The following TMEM163 variants were observed in gnomAD, a reference collection of about 807,000 sequenced individuals.
TMEM163 encodes the protein transmembrane protein 163.
In TMEM163, 17 loss-of-function variants were observed where a neutral mutation model predicts 29.3. The ratio of observed to expected loss-of-function variants is 0.58; its 90% CI spans 0.40 to 0.87. The LOEUF (loss-of-function observed/expected upper bound fraction) is 0.87. TMEM163 is among the 40% of genes least tolerant of loss of function. The pLI, the probability that TMEM163 is intolerant of heterozygous loss-of-function variation, is 0.00. For missense variants in TMEM163, 303 were observed against 381.5 expected (o/e 0.79, Z 1.71); for synonymous variants, 157 against 160.6 (o/e 0.98, Z 0.17).
intron 4 of TMEM163, among the ~76,000 whole-genome samples, chr2:134,515,894 T>C (rs1680047162): frequency 6.6e-6 from 1 of 152,216 alleles, no homozygotes. Flanking sequence ...CTTCTCCAGC[T>C]ACATCACTTC....
intron 4 of TMEM163, among the ~76,000 whole-genome samples, chr2:134,546,433 G>A (rs1680786792): frequency 6.6e-6 from 1 of 152,206 alleles, no homozygotes. Context: ...CCTGAGGCCA[G>A]GAGTTCAAGA....
chr2:134,683,717 TG>T (rs1236727280), intron 2 of TMEM163, among the ~76,000 whole-genome samples: 1 of 152,132 alleles, frequency 6.6e-6, no homozygotes, highest in East Asian at 1.9e-4. Flanking sequence ...TAGTAGACGC[TG>T]GGAGGGAAGG....
At chr2:134,456,816 G>A (rs1686408213) in intron 7 of TMEM163, 40 bp from the exon 8 acceptor site, 3 of 1,605,208 alleles carry the variant, frequency 1.9e-6, no homozygotes, top group Non-Finnish European at 2.6e-6. Flanking sequence ...TCCATGGCAT[G>A]GGGCTGAAGA....
intron 1 of TMEM163, among the ~76,000 whole-genome samples, chr2:134,716,073 T>C (rs1685032014): frequency 6.6e-6 from 1 of 152,182 alleles, no homozygotes; most frequent in South Asian, 2.1e-4. Context: ...AAGCTTGAAC[T>C]CTGTGAAGAA....
intron 2 of TMEM163, among the ~76,000 whole-genome samples, chr2:134,647,426 C>A (rs913935188): frequency 6.6e-6 from 1 of 152,208 alleles, no homozygotes; most frequent in Non-Finnish European, 1.5e-5. Context: ...GTGCTACCAA[C>A]CTCCGAAATC....
Position 134,706,012 on chromosome 2 carries a change from G to A in TMEM163, c.322+7188C>T, listed in dbSNP as rs541864284. On this transcript the variant is annotated intron_variant, in intron 2 of 7. Transcript: ENST00000281924. ...ACCCTGGCCACGCTTCCAATTAAAC[G>A]CTGTGTGAAGAAGGCACTGAGAAGG... Among the ~76,000 whole-genome samples the A allele has an allele frequency of 5.3e-5, 8 of 152,278 alleles. No homozygotes were observed. The East Asian group carries it at 1.6e-3, about 30-fold the overall frequency.
intron 2 of TMEM163, among the ~76,000 whole-genome samples, chr2:134,589,221 CA>C (rs1306427449): frequency 1.3e-5 from 2 of 152,154 alleles, no homozygotes; most frequent in East Asian, 3.9e-4. Context: ...AGAAAGAGGT[CA>C]AAATTCAAAG....
intron 5 of TMEM163, among the ~76,000 whole-genome samples, chr2:134,476,801 T>C (rs1686927030): frequency 1.3e-5 from 2 of 152,170 alleles, no homozygotes; most frequent in African/African-American, 4.8e-5. Flanking sequence ...CTATTAAGCT[T>C]TTCCTGACAG....
rs1379184679 is a variant in TMEM163 at position 134,500,075 on chromosome 2, C to T, written c.555+2826G>A. ...GAAGACATGATGATGATGAGTCTTC[C>T]GTACAGCCCACATTCCAGCATGATA... On this transcript the variant is annotated intron_variant, in intron 5 of 7. Transcript: ENST00000281924. Among the ~76,000 whole-genome samples, 11 of 152,282 alleles carry T rather than the reference C, an allele frequency of 7.2e-5. 1 individual carries two copies. The highest frequency in any genetic ancestry group is 1.9e-4 in the African/African-American group (8 of 41,566).
chr2:134,556,843 A>T (rs1681059385), intron 2 of TMEM163, among the ~76,000 whole-genome samples: 1 of 152,202 alleles, frequency 6.6e-6, no homozygotes, highest in Non-Finnish European at 1.5e-5. Flanking sequence ...AGAAAAATTA[A>T]TACTGTTTAA....
At chr2:134,509,445 C>T (rs944709966) in intron 4 of TMEM163, among the ~76,000 whole-genome samples, 3 of 152,222 alleles carry the variant, frequency 2.0e-5, no homozygotes, top group African/African-American at 7.2e-5. Flanking sequence ...TTGGTACCTG[C>T]ACCAATCAAT....
intron 2 of TMEM163, among the ~76,000 whole-genome samples, chr2:134,656,515 G>A (rs1040063875): frequency 1.3e-5 from 2 of 152,306 alleles, no homozygotes; most frequent in South Asian, 2.1e-4. Flanking sequence ...CTTCTGCGTC[G>A]CTCACGCTGG....
chr2:134,460,113 C>T lies in TMEM163; in HGVS notation c.668-1940G>A, dbSNP rs1183343688. Among the ~76,000 whole-genome samples, 2 of 148,128 alleles carry T rather than the reference C, an allele frequency of 1.4e-5. No individual in the cohort carries two copies. The highest frequency in any genetic ancestry group is 4.5e-4 in the East Asian group (2 of 4,448). On this transcript the variant is annotated intron_variant, in intron 6 of 7. Transcript: ENST00000281924. The surrounding 1 kb of genome is among the most constrained non-coding windows in gnomAD (Gnocchi z 4.3). ...TTCATTCTCACTCTCCCCGCTGATC[C>T]CTGCTCTGTCCTGGCCACCTGTGGC...
chr2:134,507,794 C>G (rs1188007444), intron 4 of TMEM163, among the ~76,000 whole-genome samples: 11 of 152,064 alleles, frequency 7.2e-5, no homozygotes, highest in Admixed American at 7.2e-4. Flanking sequence ...GAGGTTATGG[C>G]TATAGTGAGC....
intron 2 of TMEM163, among the ~76,000 whole-genome samples, chr2:134,639,851 T>C (rs559613530): frequency 5.9e-5 from 9 of 152,342 alleles, no homozygotes; most frequent in Non-Finnish European, 2.9e-5. Context: ...TGTTTCTTCT[T>C]TGGCTCATTC....
intron 4 of TMEM163, among the ~76,000 whole-genome samples, chr2:134,537,737 T>C (rs1057367575): frequency 2.6e-5 from 4 of 152,186 alleles, no homozygotes; most frequent in Admixed American, 1.3e-4. Context: ...CTTTGTGCCA[T>C]TAAAATCAAG....
At chr2:134,669,367 C>T (rs1683941887) in intron 2 of TMEM163, among the ~76,000 whole-genome samples, 1 of 152,206 alleles carries the variant, frequency 6.6e-6, no homozygotes, top group African/African-American at 2.4e-5. Context: ...AAGAGCCCAG[C>T]TACCTCTACA....
chr2:134,522,074 C>G (rs1299890912), intron 4 of TMEM163, among the ~76,000 whole-genome samples: 1 of 152,118 alleles, frequency 6.6e-6, no homozygotes, highest in African/African-American at 2.4e-5. Flanking sequence ...CCCTGAGGCA[C>G]CTGTTATACT....
chr2:134,532,055 G>C (rs1017078443), intron 4 of TMEM163, among the ~76,000 whole-genome samples: 1 of 152,204 alleles, frequency 6.6e-6, no homozygotes, highest in Non-Finnish European at 1.5e-5. Flanking sequence ...GACCAAATAC[G>C]TATTTCATAA....
Sources: gnomAD v4.1 joint callset for allele counts (sites outside exome capture counted in the v4.1 genomes callset) on GRCh38, gnomAD v4.1.1 for gene constraint, Gnocchi (gnomAD v3.1) non-coding constraint, MANE v1.5 for transcripts, NCBI Gene and HGNC (gene_info 2026-07-23, HGNC 2026-07-21) for gene names.